CACNA1D: variants seen among roughly 807,000 people sequenced by gnomAD.
CACNA1D encodes the protein voltage-dependent L-type calcium channel subunit alpha-1D.
In CACNA1D, 55 loss-of-function variants were observed where a neutral mutation model predicts 257.1. That is an observed-to-expected ratio of 0.21 (90% CI 0.17 to 0.27). The LOEUF (loss-of-function observed/expected upper bound fraction) is 0.27. Ranked by LOEUF, CACNA1D falls within the 10% of genes least tolerant of loss-of-function variation. CACNA1D has a pLI of 1.00. For missense variants in CACNA1D, 1,876 were observed against 2,784.0 expected (o/e 0.67, Z 7.34); for synonymous variants, 980 against 1,014.9 (o/e 0.97, Z 0.65).
intron 26 of CACNA1D, chr3:53,748,965 C>T (rs1212971779): frequency 3.9e-5 from 19 of 488,474 alleles, no homozygotes; most frequent in Non-Finnish European, 7.2e-5. Context: ...CAGTGTCTTA[C>T]ACGTGATATT....
Position 53,541,543 on chromosome 3 carries a change from A to C in CACNA1D, c.483+39823A>C, listed in dbSNP as rs192410337. Among the ~76,000 whole-genome samples, 297 of 152,294 alleles carry C rather than the reference A, an allele frequency of 2.0e-3. 1 individual carries two copies. Among genetic ancestry groups the C allele is most frequent in the African/African-American group, 6.6e-3 (274 of 41,560 alleles). On this transcript the variant is annotated intron_variant, in intron 3 of 47. Coordinates refer to ENST00000350061, the MANE Select transcript of CACNA1D (RefSeq NM_001128840.3). ...AGTGACTGTCGATGCTCTTTGTGAC[A>C]GCTAACGTGAGGGCTCTCCGGCTCC...
At chr3:53,541,348 A>G (rs2092291825) in intron 3 of CACNA1D, among the ~76,000 whole-genome samples, 1 of 152,236 alleles carries the variant, frequency 6.6e-6, no homozygotes, top group South Asian at 2.1e-4. Flanking sequence ...TAATGACAAT[A>G]TGATTACAGT....
At chr3:53,517,566 C>T (rs1458413295) in intron 3 of CACNA1D, among the ~76,000 whole-genome samples, 1 of 151,938 alleles carries the variant, frequency 6.6e-6, no homozygotes, top group Non-Finnish European at 1.5e-5. Context: ...TCACTGCAAC[C>T]TCTGCCTCCC....
intron 8 of CACNA1D, among the ~76,000 whole-genome samples, chr3:53,683,017 C>G (rs2094446474): frequency 6.6e-6 from 1 of 152,164 alleles, no homozygotes; most frequent in Admixed American, 6.5e-5. Flanking sequence ...GAGAGCCCAG[C>G]AGAGAACGAT....
chr3:53,801,209 C>T lies in CACNA1D; in HGVS notation c.5192C>T (p.Pro1731Leu). The part of the protein sequence containing the change: ...ASDTEKPLFP[P>L]AGNSVCHNHH... Reference sequence around the variant, plus strand: ...GATACTGAGAAACCGCTGTTTCCTCCAGCAGGAAATTCGGTGTGTCATAAC... The same window carrying T: ...GATACTGAGAAACCGCTGTTTCCTCTAGCAGGAAATTCGGTGTGTCATAAC... Residue 1731 changes from proline to leucine, a missense_variant, in exon 42 of 48, where the codon CCA becomes CTA. By Grantham distance (98) the Pro-to-Leu change is moderately conservative. This residue lies in a region of CACNA1D where 160 missense variants were observed against 236.6 expected (regional missense o/e 0.68). Transcript: ENST00000350061. 3 of 1,614,034 alleles carry T rather than the reference C, an allele frequency of 1.9e-6. No individual in the cohort carries two copies. Among genetic ancestry groups the T allele is most frequent in the Non-Finnish European group, 2.5e-6 (3 of 1,179,964 alleles).
At chr3:53,693,426 A>AG (rs1250397742) in intron 8 of CACNA1D, among the ~76,000 whole-genome samples, 1 of 151,772 alleles carries the variant, frequency 6.6e-6, no homozygotes, top group Non-Finnish European at 1.5e-5. Context: ...ATGATTAAAA[A>AG]TTTTTTAAAT....
rs768792716 is a variant in CACNA1D at position 53,718,296 on chromosome 3, C to T, written c.1391-5C>T. 17 of 1,613,534 alleles carry T rather than the reference C, an allele frequency of 1.1e-5. No homozygotes were observed. The highest frequency in any genetic ancestry group is 3.3e-5 in the Admixed American group (2 of 60,010). ...TGCTCTCTGAAGCCCGTCTTCTCCC[C>T]ACAGCTAGCATGCCCACCAGCGAGA... is the stretch of plus-strand genomic sequence containing the variant. On this transcript the variant is annotated splice_polypyrimidine_tract_variant and splice_region_variant and intron_variant, in intron 9 of 47. Transcript: ENST00000350061.
chr3:53,735,508 G>T lies in CACNA1D; in HGVS notation c.2751+5G>T, dbSNP rs1401785066. ...AGCCACTCCTTCCGGAACACGGTAA[G>T]TCCCCAGGGTGGGGCTCGCTCTGGG... On this transcript the variant is annotated splice_donor_5th_base_variant and intron_variant, in intron 20 of 47. Transcript: ENST00000350061. 1 of 1,613,960 alleles carries T rather than the reference G, an allele frequency of 6.2e-7. No individual in the cohort carries two copies. The highest frequency in any genetic ancestry group is 1.1e-5 in the South Asian group (1 of 91,088).
At chr3:53,731,037 T>C (rs747827992) in intron 16 of CACNA1D, 40 bp from the exon 17 acceptor site, 9 of 1,208,930 alleles carry the variant, frequency 7.4e-6, no homozygotes, top group South Asian at 1.2e-5. Flanking sequence ...CAGAGTAACA[T>C]GGTTATTTGG....
intron 3 of CACNA1D, among the ~76,000 whole-genome samples, chr3:53,519,015 T>A (rs993789297): frequency 6.6e-6 from 1 of 152,216 alleles, no homozygotes; most frequent in African/African-American, 2.4e-5. Flanking sequence ...CTCTTTAGCC[T>A]TTGGCCCCAG....
intron 3 of CACNA1D, among the ~76,000 whole-genome samples, chr3:53,532,589 T>A (rs2091984081): frequency 6.6e-6 from 1 of 152,218 alleles, no homozygotes; most frequent in African/African-American, 2.4e-5. Context: ...CTTTATCATG[T>A]CTCTTGATTT....
At chr3:53,766,491 T>A (rs1302038265) in intron 30 of CACNA1D, among the ~76,000 whole-genome samples, 1 of 152,246 alleles carries the variant, frequency 6.6e-6, no homozygotes, top group African/African-American at 2.4e-5. Flanking sequence ...GAAAGCTGCA[T>A]CCTCTCAGCT....
chr3:53,760,143 G>T (rs967991195), intron 29 of CACNA1D, among the ~76,000 whole-genome samples: 15 of 152,092 alleles, frequency 9.9e-5, no homozygotes, highest in Non-Finnish European at 1.9e-4. Flanking sequence ...AAACCACGGC[G>T]GTTGGGTGGG....
chr3:53,634,372 G>C (rs561666276), intron 3 of CACNA1D, among the ~76,000 whole-genome samples: 1 of 152,130 alleles, frequency 6.6e-6, no homozygotes. Flanking sequence ...CTGAATTAAC[G>C]GGACAGATGT....
chr3:53,781,180 T>C (rs2095423578), intron 38 of CACNA1D, among the ~76,000 whole-genome samples: 1 of 152,184 alleles, frequency 6.6e-6, no homozygotes, highest in Non-Finnish European at 1.5e-5. Flanking sequence ...AAATTTAGGC[T>C]GGATCTTCAA....
rs938208740 is a variant in CACNA1D, at chr3:53,813,026, C to T, written c.*1620C>T. Reference sequence around the variant, plus strand: ...TCATTTTCTGTCAACAGAATTAGGCCGACTGTCAGGTTACCTTGGCAGGGA... The same window carrying T: ...TCATTTTCTGTCAACAGAATTAGGCTGACTGTCAGGTTACCTTGGCAGGGA... On this transcript the variant is annotated 3_prime_UTR_variant, in exon 48 of 48. Coordinates refer to ENST00000350061, the MANE Select transcript of CACNA1D (RefSeq NM_001128840.3). The T allele has an allele frequency of 1.3e-5, 2 of 151,908 alleles. No individual in the cohort carries two copies. The highest frequency in any genetic ancestry group is 3.2e-3 in the Middle Eastern group (1 of 316). The allele number at this position is 151,908 out of a possible 1,614,324, so 9.4% of individuals were successfully genotyped here. A position where few individuals can be genotyped will look rare whatever the true frequency, so the allele number is the denominator to read the frequency against.
At chr3:53,798,298 TGTATGTGTGC>T (rs1403443029) in intron 40 of CACNA1D, among the ~76,000 whole-genome samples, 1 of 137,694 alleles carries the variant, frequency 7.3e-6, no homozygotes, top group East Asian at 2.6e-4. Flanking sequence ...GGAAAGTGTG[TGTATGTGTGC>T]GTGTGTGTGT....
At chr3:53,647,997 A>C (rs773204918) in intron 3 of CACNA1D, among the ~76,000 whole-genome samples, 12 of 152,232 alleles carry the variant, frequency 7.9e-5, no homozygotes, top group Admixed American at 2.0e-4. Flanking sequence ...AAGAACGTTA[A>C]ACAGTTCATT....
chr3:53,638,432 C>T (rs574494964), intron 3 of CACNA1D, among the ~76,000 whole-genome samples: 45 of 152,246 alleles, frequency 3.0e-4, no homozygotes, highest in Middle Eastern at 3.4e-3. Flanking sequence ...TACTCTGCAC[C>T]GGGCACCATG....
Sources: allele counts gnomAD v4.1 joint callset (sites outside exome capture counted in the v4.1 genomes callset), GRCh38; gene constraint gnomAD v4.1.1; regional missense constraint gnomAD v4.1.1; transcripts MANE v1.5; gene names NCBI Gene and HGNC (gene_info 2026-07-23, HGNC 2026-07-21).